The following NDE1 variants were observed in gnomAD, a reference collection of about 807,000 sequenced individuals.
NDE1 encodes the protein nuclear distribution protein nudE homolog 1.
A neutral mutation model predicts 43.4 loss-of-function variants in NDE1; 28 were observed. The observed-to-expected ratio is 0.65, with a 90% confidence interval of 0.48 to 0.89. NDE1 has a LOEUF of 0.89. NDE1 is among the 40% of genes least tolerant of loss of function. The probability of loss-of-function intolerance (pLI) is 0.00; values close to 1 mark genes in which losing one functional copy is unlikely to be tolerated. For synonymous variants in NDE1, 184 were observed against 172.0 expected, an observed-to-expected ratio of 1.07 and a Z score of -0.55; for missense variants, 441 against 434.1, an observed-to-expected ratio of 1.02 and a Z score of -0.14.
At chr16:15,706,180 C>T (rs1389757813) in intron 8 of NDE1, among the ~76,000 whole-genome samples, 1 of 152,128 alleles carries the variant, frequency 6.6e-6, no homozygotes, top group Non-Finnish European at 1.5e-5. Context: ...TCAAAGTAAA[C>T]ACTCCTAGCC....
In NDE1 at chr16:15,725,220, G is replaced by A. The variant is rs1046170108; in HGVS notation, c.*969G>A. The A allele has an allele frequency of 3.3e-6, 2 of 608,058 alleles. No homozygotes were observed. The highest frequency in any genetic ancestry group is 5.8e-6 in the Non-Finnish European group (2 of 345,648). 37.7% of individuals were successfully genotyped at this position (608,058 alleles called of 1,614,324 possible). A position where few individuals can be genotyped will look rare whatever the true frequency, so the allele number is the denominator to read the frequency against. On this transcript the variant is annotated 3_prime_UTR_variant, in exon 9 of 9. Coordinates refer to ENST00000396354, the MANE Select transcript of NDE1 (RefSeq NM_017668.3). ...TCCGTCACCTATGAGTTGGGACCCT[G>A]GCCCTAGACTCTGTGGTTCTAAGAA...
At chr16:15,715,105 G>A (rs71376095) in intron 8 of NDE1, 141 of 1,612,356 alleles carry the variant, frequency 8.7e-5, no homozygotes, top group Non-Finnish European at 1.2e-4. Flanking sequence ...TTGGAGGGGT[G>A]GTTAGGGGAG....
At chr16:15,679,656 C>A (rs1322486840) in intron 4 of NDE1, among the ~76,000 whole-genome samples, 2 of 152,172 alleles carry the variant, frequency 1.3e-5, no homozygotes, top group African/African-American at 4.8e-5. Context: ...TCCTTTTGTG[C>A]AGTTTTCAAC....
At chr16:15,671,130 CAAT>C (rs1286419141) in intron 3 of NDE1, among the ~76,000 whole-genome samples, 13 of 152,228 alleles carry the variant, frequency 8.5e-5, no homozygotes, top group African/African-American at 3.1e-4. Flanking sequence ...TAGGCTCTAC[CAAT>C]AATATTTCCC....
chr16:15,715,367 G>GATACGGGGCTCAGGAA, intron 8 of NDE1: 1 of 1,128,590 alleles, frequency 8.9e-7, no homozygotes, highest in Non-Finnish European at 1.3e-6. Flanking sequence ...GTGCTTTCCT[G>GATACGGGGCTCAGGAA]AGCCCCGTAT....
In NDE1 at chr16:15,725,358, C is replaced by A. The variant is rs1383282023; in HGVS notation, c.*1107C>A. ...CAGGTCTGAGAGTCCAGACGAGGTG[C>A]TCTGGCTGGTCCACTCTCTAAGGCT... On this transcript the variant is annotated 3_prime_UTR_variant, in exon 9 of 9. Coordinates refer to ENST00000396354, the MANE Select transcript of NDE1 (RefSeq NM_017668.3). 1.8e-6 allele frequency: 1 copy of A among 558,626 alleles called. No individual in the cohort carries two copies. Among genetic ancestry groups the A allele is most frequent in the African/African-American group, 1.9e-5 (1 of 53,178 alleles). 34.6% of individuals were successfully genotyped at this position (558,626 alleles called of 1,614,324 possible). A position where few individuals can be genotyped will look rare whatever the true frequency, so the allele number is the denominator to read the frequency against.
rs748516947 is a variant in NDE1, at chr16:15,714,963, G to T, written c.948-9228G>T. The stretch of plus-strand genomic sequence containing the variant: ...GCGGCCCATGGCCTCGTTGCTCTCC[G>T]TGGCCTCATCCAGCTCCCGCTGCAG... On this transcript the variant is annotated intron_variant, in intron 8 of 8. Coordinates refer to ENST00000396354, the MANE Select transcript of NDE1 (RefSeq NM_017668.3). 7 of 1,614,068 alleles carry T rather than the reference G, an allele frequency of 4.3e-6. No homozygotes were observed. Among genetic ancestry groups the T allele is most frequent in the Admixed American group, 1.7e-5 (1 of 60,020 alleles).
chr16:15,654,352 C>A (rs1180707319), intron 1 of NDE1, among the ~76,000 whole-genome samples: 1 of 152,024 alleles, frequency 6.6e-6, no homozygotes, highest in Non-Finnish European at 1.5e-5. Context: ...GTAATCCCAG[C>A]ACTTTGGGAG....
intron 1 of NDE1, among the ~76,000 whole-genome samples, chr16:15,650,912 C>T (rs555536320): frequency 1.4e-4 from 21 of 152,314 alleles, no homozygotes; most frequent in African/African-American, 4.8e-4. Flanking sequence ...TTGGGGCAGT[C>T]TGCTCTCCGC....
chr16:15,687,604 G>A lies in NDE1; in HGVS notation c.523+93G>A, dbSNP rs965080992. The A allele has an allele frequency of 2.5e-6, 3 of 1,222,472 alleles. No homozygotes were observed. In the African/African-American group the frequency reaches 4.5e-5, roughly 18 times the overall value. The allele number at this position is 1,222,472 out of a possible 1,614,324, so 75.7% of individuals were successfully genotyped here. ...AAGCTCTCCCAGCATTATCTTTACA[G>A]GGACCCCACACCCTGCTCTGCACCC... On this transcript the variant is annotated intron_variant, in intron 5 of 8. Coordinates refer to ENST00000396354, the MANE Select transcript of NDE1 (RefSeq NM_017668.3).
chr16:15,644,198 A>C (rs534036055), intron 1 of NDE1, among the ~76,000 whole-genome samples: 1 of 152,248 alleles, frequency 6.6e-6, no homozygotes, highest in East Asian at 1.9e-4. Flanking sequence ...GTTTATTTTT[A>C]AAGTTTGCCC....
chr16:15,678,803 A>G (rs1161637403), intron 4 of NDE1, among the ~76,000 whole-genome samples: 1 of 152,170 alleles, frequency 6.6e-6, no homozygotes, highest in Non-Finnish European at 1.5e-5. Context: ...GTGGCCAGGC[A>G]CGGTGGCTCA....
intron 4 of NDE1, chr16:15,683,424 A>C (rs950162604): frequency 6.6e-6 from 1 of 152,040 alleles, no homozygotes; most frequent in Non-Finnish European, 1.5e-5. Flanking sequence ...GCTCACTGCA[A>C]GCTCCGCCTC....
In NDE1 at chr16:15,694,246, G is replaced by A. The variant is rs373754699; in HGVS notation, c.785G>A (p.Arg262Gln). 48 of 1,613,516 alleles carry A rather than the reference G, an allele frequency of 3.0e-5. 1 individual carries two copies. Among genetic ancestry groups the A allele is most frequent in the Admixed American group, 1.0e-4 (6 of 59,986 alleles). ...CTCAACATTGTGGGAGACCTACTGCGGAAAGTCGGGGTAAGACCACACTTT... is the reference window on the plus strand; with the variant it reads ...CTCAACATTGTGGGAGACCTACTGCAGAAAGTCGGGGTAAGACCACACTTT... ...SALNIVGDLLRKVGALESKLA... is the reference protein window; with the variant it reads ...SALNIVGDLLQKVGALESKLA... The change falls in exon 7 of 9, where the codon CGG becomes CAG. Residue 262 changes from arginine to glutamine, a missense_variant. Physicochemically the swap from Arg to Gln is conservative, Grantham distance 43. Coordinates refer to ENST00000396354, the MANE Select transcript of NDE1 (RefSeq NM_017668.3).
At chr16:15,668,972 T>A (rs2037453250) in intron 3 of NDE1, among the ~76,000 whole-genome samples, 1 of 152,046 alleles carries the variant, frequency 6.6e-6, no homozygotes, top group Non-Finnish European at 1.5e-5. Context: ...CGATCTCGGC[T>A]CACTGCAAGC....
chr16:15,723,778 G>A (rs1471961677), intron 8 of NDE1, among the ~76,000 whole-genome samples: 1 of 152,164 alleles, frequency 6.6e-6, no homozygotes, highest in Non-Finnish European at 1.5e-5. Flanking sequence ...GAAATCTTAG[G>A]GAAGAGTGGT....
rs750625960 is a variant in NDE1, at chr16:15,667,312, G to T, written c.110G>T (p.Arg37Leu). The T allele has an allele frequency of 1.9e-6, 3 of 1,614,038 alleles. No homozygotes were observed. The highest frequency in any genetic ancestry group is 1.7e-5 in the Admixed American group (1 of 59,966). Residue 37 changes from arginine (R) to leucine (L), a missense_variant, in exon 3 of 9, where the codon CGA (arginine) becomes CTA (leucine). Physicochemically the swap from Arg to Leu is moderately radical, Grantham distance 102. Transcript: ENST00000396354. Reference protein sequence around the residue: ...QRAENTQEELREFQEGSREYE... With the variant: ...QRAENTQEELLEFQEGSREYE... Reference sequence around the variant, plus strand: ...GCAGAAAATACGCAAGAGGAACTCCGAGAATTCCAGGAGGGAAGCCGAGAA... The same window carrying T: ...GCAGAAAATACGCAAGAGGAACTCCTAGAATTCCAGGAGGGAAGCCGAGAA...
chr16:15,708,515 C>T (rs1231291372), intron 8 of NDE1, among the ~76,000 whole-genome samples: 2 of 152,240 alleles, frequency 1.3e-5, no homozygotes, highest in Non-Finnish European at 2.9e-5. Context: ...CACACAGCCT[C>T]TGCCATCTCG....
At chr16:15,664,579 T>G (rs1443725046) in intron 1 of NDE1, among the ~76,000 whole-genome samples, 157 bp from the exon 2 acceptor site, 1 of 151,866 alleles carries the variant, frequency 6.6e-6, no homozygotes, top group Non-Finnish European at 1.5e-5. Context: ...GTGGTCTCGA[T>G]CTCCTGACCT....
Sources: allele counts gnomAD v4.1 joint callset (sites outside exome capture counted in the v4.1 genomes callset), GRCh38; gene constraint gnomAD v4.1.1; transcripts MANE v1.5; gene names NCBI Gene and HGNC (gene_info 2026-07-23, HGNC 2026-07-21).